The following COL18A1 variants were observed in gnomAD, a reference collection of about 807,000 sequenced individuals.
The protein encoded by COL18A1 is collagen type XVIII alpha 1 chain.
A neutral mutation model predicts 168.0 loss-of-function variants in COL18A1; 133 were observed. The ratio of observed to expected loss-of-function variants is 0.79; its 90% CI spans 0.69 to 0.91. The LOEUF is 0.91. Ranked by LOEUF, COL18A1 falls within the 40% of genes least tolerant of loss-of-function variation. The probability of loss-of-function intolerance (pLI) is 0.00; values close to 1 mark genes in which losing one functional copy is unlikely to be tolerated. For synonymous variants in COL18A1, 949 were observed against 809.0 expected (o/e 1.17, Z -2.94); for missense variants, 2,126 against 1,925.4 (o/e 1.10, Z -1.95).
intron 15 of COL18A1, among the ~76,000 whole-genome samples, chr21:45,485,778 C>T (rs1486108616): frequency 6.6e-6 from 1 of 152,154 alleles, no homozygotes; most frequent in Non-Finnish European, 1.5e-5. Flanking sequence ...CTGTGGGGGA[C>T]ATGGGAAGCA....
chr21:45,509,478 C>T lies in COL18A1; in HGVS notation c.3372C>T (p.Ser1124=), dbSNP rs759202379. 3.3e-6 allele frequency: 5 copies of T among 1,523,412 alleles called. No homozygotes were observed. The highest frequency in any genetic ancestry group is 1.9e-5 in the Admixed American group (1 of 52,374). The allele number at this position is 1,523,412 out of a possible 1,614,324, so 94.4% of individuals were successfully genotyped here. A position where few individuals can be genotyped will look rare whatever the true frequency, so the allele number is the denominator to read the frequency against. Residue 1124 remains serine (S), a synonymous_variant, in exon 39 of 42, where the codon AGC becomes AGT. Transcript: ENST00000651438. ...RPWRADDILA[S]PPRLPEPQPY... ...GGCGGGCAGATGACATCCTGGCCAG[C>T]CCCCCTCGCCTGCCCGAGCCCCAGC...
chr21:45,479,523 CCATACATGCACACTCACACATCACA>C (rs1323739823), intron 9 of COL18A1, among the ~76,000 whole-genome samples: 1 of 151,902 alleles, frequency 6.6e-6, no homozygotes, highest in African/African-American at 2.4e-5. Flanking sequence ...ATTATGCACA[CCATACATGCACACTCACACATCACA>C]CATACATATC....
chr21:45,449,474 A>C (rs2034574640), intron 2 of COL18A1, among the ~76,000 whole-genome samples: 1 of 152,104 alleles, frequency 6.6e-6, no homozygotes, highest in Non-Finnish European at 1.5e-5. Context: ...TGAGTCCAGG[A>C]ATGTACATCC....
chr21:45,445,912 T>G (rs1228738591), intron 2 of COL18A1, among the ~76,000 whole-genome samples: 2 of 152,234 alleles, frequency 1.3e-5, no homozygotes, highest in African/African-American at 2.4e-5. Flanking sequence ...TTCACTTTCT[T>G]GATGGTGTCC....
chr21:45,453,351 A>G (rs73909558), intron 2 of COL18A1, among the ~76,000 whole-genome samples: 1 of 152,240 alleles, frequency 6.6e-6, no homozygotes, highest in East Asian at 1.9e-4. Context: ...ATGCATGTGC[A>G]TGTGTTCATG....
At chr21:45,484,947 C>CT (rs1163119747) in intron 15 of COL18A1, among the ~76,000 whole-genome samples, 9 of 152,040 alleles carry the variant, frequency 5.9e-5, no homozygotes, top group Non-Finnish European at 8.8e-5. Context: ...ACCCTACAAC[C>CT]TAATTGTAAA....
chr21:45,484,665 C>T (rs1007557138), intron 15 of COL18A1, among the ~76,000 whole-genome samples: 13 of 95,296 alleles, frequency 1.4e-4, no homozygotes, highest in African/African-American at 3.8e-4. Context: ...TGTGCACATA[C>T]ACACACATGT....
At position 45,487,503 on chromosome 21, in the gene COL18A1, G is replaced by T; in HGVS notation, c.1890G>T (p.Gly630=). 1 of 1,612,926 alleles carries T rather than the reference G, an allele frequency of 6.2e-7. No homozygotes were observed. Among genetic ancestry groups the T allele is most frequent in the African/African-American group, 1.3e-5 (1 of 75,066 alleles). ...GGTCAACAGCCCGAAGCGCTGATGG[G>T]CCACAGGTAGTGTTGTGAGCTGGGC... ...PFWSTARSAD[G]PQGPPGLPGL... The change falls in exon 17 of 42, where the codon GGG becomes GGT. Residue 630 remains glycine, a synonymous_variant. Transcript: ENST00000651438.
In COL18A1 at chr21:45,497,102, C is replaced by A. The variant is rs1436928478; in HGVS notation, c.2620+10C>A. ...CCTCCAGGATTGCCAGGTGAGGGTC[C>A]TGGGCTCACAGCTGGGGACACAGGC... On this transcript the variant is annotated intron_variant, in intron 31 of 41. Transcript: ENST00000651438. 6.4e-7 allele frequency: 1 copy of A among 1,555,042 alleles called. No individual in the cohort carries two copies. Among genetic ancestry groups the A allele is most frequent in the Non-Finnish European group, 8.8e-7 (1 of 1,135,848 alleles).
intron 32 of COL18A1, among the ~76,000 whole-genome samples, chr21:45,500,402 GGGTGTTGGGTGTGT>G (rs939787914): frequency 1.4e-5 from 2 of 140,268 alleles, no homozygotes; most frequent in Non-Finnish European, 3.1e-5. Context: ...GTGTGTATGT[GGGTGTTGGGTGTGT>G]GGTGTGGGGT....
chr21:45,511,084 CACACAT>C (rs768375846), intron 40 of COL18A1, 21 bp from the exon 41 acceptor site: 7 of 1,122,568 alleles, frequency 6.2e-6, no homozygotes, highest in East Asian at 2.7e-5. Context: ...ACACACCACA[CACACAT>C]ACACACGGTT....
chr21:45,481,851 G>A (rs2035907753), intron 13 of COL18A1, 112 bp from the exon 14 acceptor site: 8 of 791,140 alleles, frequency 1.0e-5, no homozygotes, highest in Non-Finnish European at 1.6e-5. Context: ...TCTGGGGAAC[G>A]TTCTGTGTCC....
At chr21:45,474,187 T>C (rs944863123) in intron 4 of COL18A1, among the ~76,000 whole-genome samples, 9 of 152,124 alleles carry the variant, frequency 5.9e-5, no homozygotes, top group African/African-American at 2.2e-4. Flanking sequence ...AAGCATGATA[T>C]AAACACCAGA....
chr21:45,467,546 G>C (rs2035257276), intron 2 of COL18A1: 2 of 645,648 alleles, frequency 3.1e-6, no homozygotes, highest in South Asian at 6.9e-5. Context: ...GTGAGCCGGT[G>C]ACCGACAGCG....
intron 22 of COL18A1, among the ~76,000 whole-genome samples, chr21:45,491,948 G>A (rs1201986380): frequency 6.6e-6 from 1 of 152,196 alleles, no homozygotes; most frequent in Admixed American, 6.5e-5. Flanking sequence ...AGAGTTCTCT[G>A]TGGCCACCAG....
intron 2 of COL18A1, among the ~76,000 whole-genome samples, chr21:45,450,932 T>G (rs1020394042): frequency 1.3e-5 from 2 of 152,206 alleles, no homozygotes; most frequent in Admixed American, 6.5e-5. Context: ...CACTCCATGG[T>G]GGGACAGCAC....
rs1338494812 is a variant in COL18A1 at position 45,425,452 on chromosome 21, C to G, written c.106+19979C>G. On this transcript the variant is annotated intron_variant, in intron 2 of 41. Coordinates refer to ENST00000651438, the MANE Select transcript of COL18A1 (RefSeq NM_001379500.1). This position sits in a 1 kb window ranked among gnomAD's most constrained non-coding sequence, Gnocchi z 4.1. Reference sequence around the variant, plus strand: ...AAGAGGTGTGCATGGAGGTGGACCCCCTGCCTCACCCTCGGGTGGCCCAAG... The same window carrying G: ...AAGAGGTGTGCATGGAGGTGGACCCGCTGCCTCACCCTCGGGTGGCCCAAG... 2.0e-5 allele frequency among the ~76,000 whole-genome samples: 3 copies of G among 152,198 alleles called. No homozygotes were observed. Among genetic ancestry groups the G allele is most frequent in the Non-Finnish European group, 2.9e-5 (2 of 68,032 alleles).
intron 29 of COL18A1, chr21:45,496,071 C>CATGCCCTCCATGCCCTCT (rs143256471): frequency 0.11 from 40,340 of 368,408 alleles, 2,408 homozygotes; most frequent in East Asian, 0.16. Flanking sequence ...GGGCCTGGGC[C>CATGCCCTCCATGCCCTCT]ATGCCCTCCA....
intron 39 of COL18A1, 152 bp from the exon 40 acceptor site, chr21:45,509,912 C>T (rs1393085925): frequency 2.2e-6 from 2 of 899,386 alleles, no homozygotes; most frequent in Non-Finnish European, 3.3e-6. Flanking sequence ...GGGCTGCTGC[C>T]TGGGCCCCTC....
Sources: allele counts gnomAD v4.1 joint callset (sites outside exome capture counted in the v4.1 genomes callset), GRCh38; gene constraint gnomAD v4.1.1; non-coding constraint Gnocchi (gnomAD v3.1); transcripts MANE v1.5; gene names NCBI Gene and HGNC (gene_info 2026-07-23, HGNC 2026-07-21).